Variants in CACNA1G observed in about 807,000 individuals in gnomAD.
The protein encoded by CACNA1G is calcium voltage-gated channel subunit alpha1 G, also known as voltage-dependent T-type calcium channel subunit alpha-1G.
In CACNA1G, 67 loss-of-function variants were observed where a neutral mutation model predicts 219.4. That is an observed-to-expected ratio of 0.31 (90% CI 0.25 to 0.37). The LOEUF (loss-of-function observed/expected upper bound fraction) is 0.37, where lower values mean the gene tolerates loss of function less well. Ranked by LOEUF, CACNA1G falls within the 10% of genes least tolerant of loss-of-function variation. CACNA1G has a pLI of 1.00. For missense variants in CACNA1G, 2,380 were observed against 3,231.4 expected (o/e 0.74, Z 6.39); for synonymous variants, 1,296 against 1,345.3 (o/e 0.96, Z 0.80).
In CACNA1G at chr17:50,618,604, G is replaced by C. The variant is rs2051064910; in HGVS notation, c.5428-51G>C. On this transcript the variant is annotated intron_variant, in intron 32 of 37. Coordinates refer to ENST00000359106, the MANE Select transcript of CACNA1G (RefSeq NM_018896.5). This position sits in a 1 kb window ranked among gnomAD's most constrained non-coding sequence, Gnocchi z 5.3. ...ACCAGTGACCTGATTTTCCACAACA[G>C]CTCCAACAACTGTCCTCCCCAGCCT... 7 of 1,403,190 alleles carry C rather than the reference G, an allele frequency of 5.0e-6. No individual in the cohort carries two copies. The highest frequency in any genetic ancestry group is 3.0e-6 in the Non-Finnish European group (3 of 1,004,578). 86.9% of individuals were successfully genotyped at this position (1,403,190 alleles called of 1,614,324 possible).
intron 1 of CACNA1G, among the ~76,000 whole-genome samples, chr17:50,565,765 A>G (rs374969302): frequency 6.6e-6 from 1 of 152,072 alleles, no homozygotes; most frequent in Admixed American, 6.5e-5. Flanking sequence ...CTCTATCTAG[A>G]TAAAGCCCCA....
At chr17:50,624,585 G>A in intron 37 of CACNA1G, 56 bp downstream of exon 37, 1 of 1,431,210 alleles carries the variant, frequency 7.0e-7, no homozygotes, top group East Asian at 2.5e-5. Flanking sequence ...TCTGCTGCTG[G>A]TGATGACCTG....
intron 36 of CACNA1G, 36 bp from the exon 37 acceptor site, chr17:50,624,324 T>TGCCCCCCCCCCCCCCCCCCCGGGCCCC: frequency 8.5e-7 from 1 of 1,177,664 alleles, no homozygotes; most frequent in Non-Finnish European, 1.2e-6. Flanking sequence ...CTCCATTCTC[T>TGCCCCCCCCCCCCCCCCCCCGGGCCCC]CCCCCCACCC....
At chr17:50,595,415 G>A (rs1157788155) in intron 14 of CACNA1G, among the ~76,000 whole-genome samples, 1 of 152,218 alleles carries the variant, frequency 6.6e-6, no homozygotes, top group Non-Finnish European at 1.5e-5. Context: ...AGGAGTCCCA[G>A]ACGTCCGGCT....
intron 16 of CACNA1G, among the ~76,000 whole-genome samples, chr17:50,597,570 T>G (rs1370356684): frequency 1.3e-5 from 2 of 152,266 alleles, no homozygotes; most frequent in African/African-American, 4.8e-5. Context: ...ATGCATACAT[T>G]ATGGGATGAT....
intron 37 of CACNA1G, among the ~76,000 whole-genome samples, chr17:50,625,166 G>C (rs576586058): frequency 1.3e-5 from 2 of 152,276 alleles, no homozygotes; most frequent in Admixed American, 6.5e-5. Context: ...TGGTCAGGCT[G>C]AGCTCGAGCT....
At chr17:50,583,492 A>C (rs1178728934) in intron 9 of CACNA1G, among the ~76,000 whole-genome samples, 1 of 152,224 alleles carries the variant, frequency 6.6e-6, no homozygotes, top group Non-Finnish European at 1.5e-5. Context: ...GTTCTGGTGG[A>C]AAAGTCATTC....
Position 50,607,970 on chromosome 17 carries a change from C to T in CACNA1G, c.4656C>T (p.Ala1552=), listed in dbSNP as rs1204255215. Residue 1552 remains alanine (A), a synonymous_variant, in exon 25 of 38, where the codon GCC becomes GCT. Transcript: ENST00000359106. ...KCRQHQEEEE[A]RRREEKRLRR... is the part of the protein sequence containing the mutation. ...GGCAGCACCAGGAGGAAGAGGAGGCCCGGCGGCGGGAGGAGAAGCGCCTAC... is the reference window on the plus strand; with the variant it reads ...GGCAGCACCAGGAGGAAGAGGAGGCTCGGCGGCGGGAGGAGAAGCGCCTAC... The T allele has an allele frequency of 1.2e-6, 2 of 1,613,616 alleles. No individual in the cohort carries two copies.
Position 50,607,978 on chromosome 17 carries a change from G to A in CACNA1G, c.4664G>A (p.Arg1555Gln). Residue 1555 changes from arginine (R) to glutamine (Q), a missense_variant, in exon 25 of 38, where the codon CGG (arginine) becomes CAG (glutamine). Arg to Gln is a conservative substitution (Grantham distance 43). This residue lies in a region of CACNA1G where 58 missense variants were observed against 71.3 expected (regional missense o/e 0.81). Transcript: ENST00000359106. The stretch of plus-strand genomic sequence containing the variant: ...CAGGAGGAAGAGGAGGCCCGGCGGC[G>A]GGAGGAGAAGCGCCTACGAAGACTG... ...QHQEEEEARR[R>Q]EEKRLRRLEK... 2.5e-6 allele frequency: 4 copies of A among 1,613,254 alleles called. No individual in the cohort carries two copies. Among genetic ancestry groups the A allele is most frequent in the South Asian group, 1.1e-5 (1 of 90,968 alleles).
Position 50,596,423 on chromosome 17 carries a change from G to A in CACNA1G, c.2980-139G>A, listed in dbSNP as rs905870940. The A allele has an allele frequency of 2.7e-5, 19 of 706,738 alleles. No homozygotes were observed. Among genetic ancestry groups the A allele is most frequent in the African/African-American group, 2.3e-4 (13 of 57,352 alleles). The allele number at this position is 706,738 out of a possible 1,614,324, so 43.8% of individuals were successfully genotyped here. Reference sequence around the variant, plus strand: ...CCCAAGCCTGGGGGGTCTGGCCTGCGCCGTGCATGTCTCGTGCCGTGGTTG... The same window carrying A: ...CCCAAGCCTGGGGGGTCTGGCCTGCACCGTGCATGTCTCGTGCCGTGGTTG... On this transcript the variant is annotated intron_variant, in intron 14 of 37. Coordinates refer to ENST00000359106, the MANE Select transcript of CACNA1G (RefSeq NM_018896.5). The surrounding 1 kb of genome is among the most constrained non-coding windows in gnomAD (Gnocchi z 4.8).
intron 19 of CACNA1G, 68 bp from the exon 20 acceptor site, chr17:50,602,752 T>A: frequency 7.0e-7 from 1 of 1,429,530 alleles, no homozygotes; most frequent in Non-Finnish European, 9.8e-7. Flanking sequence ...GACTTGTGTA[T>A]GCAGAGCAGA....
At chr17:50,577,677 A>G (rs1029560808) in intron 8 of CACNA1G, among the ~76,000 whole-genome samples, 3 of 151,542 alleles carry the variant, frequency 2.0e-5, no homozygotes, top group Admixed American at 6.6e-5. Flanking sequence ...TGGTATGTGC[A>G]TGTATGTGTG....
At chr17:50,597,016 G>T in intron 16 of CACNA1G, 93 bp downstream of exon 16, 1 of 1,198,526 alleles carries the variant, frequency 8.3e-7, no homozygotes. Context: ...CAAGGGCACA[G>T]CCCCTGCCCC....
intron 13 of CACNA1G, 70 bp from the exon 14 acceptor site, chr17:50,594,923 A>T: frequency 8.4e-7 from 1 of 1,186,484 alleles, no homozygotes; most frequent in Non-Finnish European, 1.2e-6. Flanking sequence ...CTCTCTCGAC[A>T]CTGCCGATAT....
intron 14 of CACNA1G, among the ~76,000 whole-genome samples, chr17:50,595,408 A>G (rs2045325997): frequency 6.6e-6 from 1 of 152,152 alleles, no homozygotes. Context: ...GTCCCGGAGG[A>G]GTCCCAGACG....
intron 22 of CACNA1G, among the ~76,000 whole-genome samples, chr17:50,604,681 C>A (rs1036222443): frequency 2.6e-5 from 4 of 152,224 alleles, no homozygotes; most frequent in African/African-American, 9.6e-5. Context: ...AGGTTAGCAG[C>A]GTGCTGGCAG....
At chr17:50,574,648 C>G (rs1248069032) in intron 7 of CACNA1G, among the ~76,000 whole-genome samples, 2 of 152,188 alleles carry the variant, frequency 1.3e-5, no homozygotes, top group Non-Finnish European at 2.9e-5. Context: ...CTAGTTTCCA[C>G]CCTCCCACAC....
chr17:50,597,773 A>G (rs2045862601), intron 16 of CACNA1G, among the ~76,000 whole-genome samples: 3 of 152,200 alleles, frequency 2.0e-5, no homozygotes, highest in African/African-American at 7.2e-5. Context: ...TCCTTTGGCT[A>G]AGCCTTCCCC....
chr17:50,562,825 T>C (rs541000940), intron 1 of CACNA1G, among the ~76,000 whole-genome samples: 1 of 152,270 alleles, frequency 6.6e-6, no homozygotes, highest in South Asian at 2.1e-4. Context: ...CTGCTCCCTG[T>C]CTGCCCAGGC....
Sources: gnomAD v4.1 joint callset for allele counts (sites outside exome capture counted in the v4.1 genomes callset) on GRCh38, gnomAD v4.1.1 for gene constraint, gnomAD v4.1.1 regional missense constraint, Gnocchi (gnomAD v3.1) non-coding constraint, MANE v1.5 for transcripts, NCBI Gene and HGNC (gene_info 2026-07-23, HGNC 2026-07-21) for gene names.